Variants in ACBD6 observed in about 807,000 individuals in gnomAD.
ACBD6 encodes the protein acyl-CoA-binding domain-containing protein 6.
A neutral mutation model predicts 37.2 loss-of-function variants in ACBD6; 28 were observed. The ratio of observed to expected loss-of-function variants is 0.75; its 90% CI spans 0.56 to 1.03. ACBD6 has a LOEUF of 1.03. ACBD6 is among the 50% of genes least tolerant of loss of function. The probability of loss-of-function intolerance (pLI) is 0.00; values close to 1 mark genes in which losing one functional copy is unlikely to be tolerated. For missense variants in ACBD6, 340 were observed against 337.4 expected (o/e 1.01, Z -0.06); for synonymous variants, 113 against 126.8 (o/e 0.89, Z 0.73).
intron 3 of ACBD6, among the ~76,000 whole-genome samples, chr1:180,467,320 G>A (rs887462955): frequency 1.3e-5 from 2 of 151,244 alleles, no homozygotes; most frequent in Non-Finnish European, 3.0e-5. Context: ...AGTATATAAA[G>A]TGAAAAGTAG....
At chr1:180,490,572 G>A (rs1651453578) in intron 3 of ACBD6, among the ~76,000 whole-genome samples, 1 of 151,608 alleles carries the variant, frequency 6.6e-6, no homozygotes, top group South Asian at 2.1e-4. Context: ...TCAGGAGATC[G>A]AGACCAACTT....
chr1:180,474,702 G>A (rs938711647), intron 3 of ACBD6, among the ~76,000 whole-genome samples: 1 of 152,098 alleles, frequency 6.6e-6, no homozygotes, highest in African/African-American at 2.4e-5. Context: ...TTTAGCTATC[G>A]AATATATTAG....
chr1:180,479,634 C>A (rs1650945247), intron 3 of ACBD6, among the ~76,000 whole-genome samples: 1 of 152,126 alleles, frequency 6.6e-6, no homozygotes, highest in Non-Finnish European at 1.5e-5. Context: ...ACCCGAAATG[C>A]CCTGATTTGA....
intron 3 of ACBD6, among the ~76,000 whole-genome samples, chr1:180,485,269 G>T (rs970928969): frequency 6.6e-6 from 1 of 152,098 alleles, no homozygotes; most frequent in African/African-American, 2.4e-5. Flanking sequence ...CAGGGATAGG[G>T]CAGGGCAAAC....
intron 7 of ACBD6, among the ~76,000 whole-genome samples, chr1:180,295,923 A>G (rs1373281190): frequency 6.6e-6 from 1 of 152,154 alleles, no homozygotes; most frequent in African/African-American, 2.4e-5. Flanking sequence ...AGAGTCACAC[A>G]TCTCTTATTT....
intron 3 of ACBD6, 110 bp from the exon 4 acceptor site, chr1:180,430,372 T>G (rs1266956408): frequency 1.1e-6 from 1 of 909,886 alleles, no homozygotes; most frequent in African/African-American, 1.6e-5. Context: ...GATTTTACCC[T>G]CAACCATCTC....
At position 180,397,537 on chromosome 1, in the gene ACBD6, A is replaced by G. The variant is rs752702070; in HGVS notation, c.642T>C (p.His214=). Residue 214 remains histidine (H), a synonymous_variant, in exon 6 of 8, where the codon CAT becomes CAC. Coordinates refer to ENST00000367595, the MANE Select transcript of ACBD6 (RefSeq NM_032360.4). The part of the protein sequence containing the change: ...HKELVTVLLQ[H]RADINCQDNE... ...TTACCTGACAGTTAATGTCAGCTCT[A>G]TGTTGCAGCAACACTGTGACTAGTT... 14 of 1,613,836 alleles carry G rather than the reference A, an allele frequency of 8.7e-6. No individual in the cohort carries two copies. The South Asian group carries it at 1.1e-4, about 13-fold the overall frequency.
At chr1:180,492,198 G>A (rs1196468982) in intron 3 of ACBD6, 71 bp downstream of exon 3, 1 of 1,156,050 alleles carries the variant, frequency 8.7e-7, no homozygotes, top group East Asian at 2.4e-5. Context: ...ACTAAGTTTA[G>A]TTTTAGACAT....
At chr1:180,344,466 AG>A (rs915392129) in intron 6 of ACBD6, among the ~76,000 whole-genome samples, 19 of 152,264 alleles carry the variant, frequency 1.2e-4, no homozygotes, top group African/African-American at 4.3e-4. Context: ...TTTTTAAAAA[AG>A]TATTTTGTAG....
chr1:180,296,467 T>C (rs989171115), intron 7 of ACBD6, among the ~76,000 whole-genome samples: 1 of 152,178 alleles, frequency 6.6e-6, no homozygotes, highest in Non-Finnish European at 1.5e-5. Flanking sequence ...TTTCACTCTG[T>C]CGCCCAGGTT....
chr1:180,335,267 T>C (rs1330118527), intron 6 of ACBD6, among the ~76,000 whole-genome samples: 2 of 152,010 alleles, frequency 1.3e-5, no homozygotes, highest in Non-Finnish European at 2.9e-5. Flanking sequence ...GAGAGAAAGG[T>C]CAGGTAACCC....
chr1:180,376,355 C>T (rs781508571), intron 6 of ACBD6, among the ~76,000 whole-genome samples: 30 of 152,200 alleles, frequency 2.0e-4, no homozygotes, highest in Admixed American at 1.1e-3. Flanking sequence ...ACACCTCCAA[C>T]AACATGAAAA....
chr1:180,373,971 G>A (rs1459058721), intron 6 of ACBD6, among the ~76,000 whole-genome samples: 2 of 152,010 alleles, frequency 1.3e-5, no homozygotes, highest in African/African-American at 4.8e-5. Context: ...TAATTAGAAT[G>A]CCCAGGTAGT....
intron 6 of ACBD6, among the ~76,000 whole-genome samples, chr1:180,330,699 C>A (rs1015646212): frequency 1.3e-5 from 2 of 152,154 alleles, no homozygotes; most frequent in East Asian, 1.9e-4. Flanking sequence ...TACATCTACA[C>A]AGATGTTCTT....
At chr1:180,285,745 A>G (rs1372116505), downstream of ACBD6, among the ~76,000 whole-genome samples, 3 of 152,160 alleles carry the variant, frequency 2.0e-5, no homozygotes, top group Non-Finnish European at 4.4e-5. Flanking sequence ...CAGGAAGCTA[A>G]GAAATACCTA....
At chr1:180,370,019 A>G (rs1653195693) in intron 6 of ACBD6, among the ~76,000 whole-genome samples, 1 of 152,152 alleles carries the variant, frequency 6.6e-6, no homozygotes, top group South Asian at 2.1e-4. Flanking sequence ...AGGCAATATT[A>G]TTTCTACTCT....
At chr1:180,356,694 C>A (rs1228739812) in intron 6 of ACBD6, among the ~76,000 whole-genome samples, 1 of 151,332 alleles carries the variant, frequency 6.6e-6, no homozygotes, top group East Asian at 2.0e-4. Context: ...AAAAAAAATA[C>A]AAAAATTAGC....
intron 6 of ACBD6, among the ~76,000 whole-genome samples, chr1:180,354,967 G>T (rs1157887408): frequency 6.6e-6 from 1 of 152,158 alleles, no homozygotes; most frequent in Non-Finnish European, 1.5e-5. Flanking sequence ...CAAAGATGCA[G>T]TATTCCAGGT....
chr1:180,346,710 C>T (rs1299533969), intron 6 of ACBD6, among the ~76,000 whole-genome samples: 1 of 152,160 alleles, frequency 6.6e-6, no homozygotes, highest in Non-Finnish European at 1.5e-5. Context: ...TGTTAAGTTG[C>T]TAAATTTGTG....
Sources: gnomAD v4.1 joint callset for allele counts (sites outside exome capture counted in the v4.1 genomes callset) on GRCh38, gnomAD v4.1.1 for gene constraint, MANE v1.5 for transcripts, NCBI Gene and HGNC (gene_info 2026-07-23, HGNC 2026-07-21) for gene names.